Variants in ALCAM observed in about 807,000 individuals in gnomAD.
ALCAM encodes activated leukocyte cell adhesion molecule, also known as CD166 antigen.
ALCAM carries 30 observed loss-of-function variants against 70.9 expected under a neutral mutation model. The ratio of observed to expected loss-of-function variants is 0.42; its 90% CI spans 0.32 to 0.57. The LOEUF (loss-of-function observed/expected upper bound fraction) is 0.57. Among genes scored for constraint, ALCAM ranks in the 20% least tolerant of loss-of-function variants. The pLI is 0.11. For synonymous variants in ALCAM, 249 were observed against 242.5 expected (o/e 1.03, Z -0.25); for missense variants, 591 against 695.1 (o/e 0.85, Z 1.68).
At chr3:105,456,456 C>A (rs1304227652) in intron 1 of ALCAM, among the ~76,000 whole-genome samples, 1 of 152,140 alleles carries the variant, frequency 6.6e-6, no homozygotes, top group Non-Finnish European at 1.5e-5. Flanking sequence ...ATATTAGGAA[C>A]AAAGCTTCCT....
rs989491778 is a variant in ALCAM, at chr3:105,467,724, C to A, written c.74-52343C>A. ...TGTTGGTTCTTACTGACTTTAATTTCTGATGATTTTCAAACCCTGAAACTT... is the reference window on the plus strand; with the variant it reads ...TGTTGGTTCTTACTGACTTTAATTTATGATGATTTTCAAACCCTGAAACTT... On this transcript the variant is annotated intron_variant, in intron 1 of 15. Transcript: ENST00000306107. 7.5e-4 allele frequency among the ~76,000 whole-genome samples: 114 copies of A among 151,076 alleles called. 1 individual carries two copies. The highest frequency in any genetic ancestry group is 1.5e-3 in the Non-Finnish European group (101 of 67,444).
intron 3 of ALCAM, 80 bp downstream of exon 3, chr3:105,524,588 A>G: frequency 1.1e-5 from 17 of 1,581,140 alleles, no homozygotes; most frequent in Non-Finnish European, 1.5e-5. Flanking sequence ...AGAAGACTGA[A>G]CTCTCTGTAG....
Position 105,560,164 on chromosome 3 carries a change from G to A in ALCAM, c.1664+7579G>A, listed in dbSNP as rs549432887. The stretch of plus-strand genomic sequence containing the variant: ...ATCCTGCTTACAACTCCCACCAGTC[G>A]CATATGAGAGTTTTAGTTCCTTCCC... On this transcript the variant is annotated intron_variant, in intron 14 of 15. Coordinates refer to ENST00000306107, the MANE Select transcript of ALCAM (RefSeq NM_001627.4). Among the ~76,000 whole-genome samples, 10 of 152,176 alleles carry A rather than the reference G, an allele frequency of 6.6e-5. No individual in the cohort carries two copies. In the South Asian group the frequency reaches 1.5e-3, roughly 22 times the overall value.
rs1241799182 is a variant in ALCAM at position 105,520,102 on chromosome 3, G to A, written c.109G>A (p.Asp37Asn). The change falls in exon 2 of 16, where the codon GAT (aspartate) becomes AAT (asparagine). Residue 37 changes from aspartate to asparagine, a missense_variant. Physicochemically the swap from Asp to Asn is conservative, Grantham distance 23. Transcript: ENST00000306107. Reference protein sequence around the residue: ...GWYTVNSAYGDTIIIPCRLDV... With the variant: ...GWYTVNSAYGNTIIIPCRLDV... ...GTATACTGTAAATTCAGCATATGGA[G>A]ATACCATTATCATACCTTGCCGACT... 1.2e-6 allele frequency: 2 copies of A among 1,612,374 alleles called. No homozygotes were observed. The highest frequency in any genetic ancestry group is 1.7e-6 in the Non-Finnish European group (2 of 1,179,170).
chr3:105,549,077 G>GA (rs1253418006), intron 11 of ALCAM, among the ~76,000 whole-genome samples: 2 of 151,422 alleles, frequency 1.3e-5, no homozygotes, highest in Non-Finnish European at 3.0e-5. Context: ...AAAGTCAGAT[G>GA]AAAAATCCTA....
Position 105,399,376 on chromosome 3 carries a change from T to C in ALCAM, c.73+31895T>C, listed in dbSNP as rs190268457. On this transcript the variant is annotated intron_variant, in intron 1 of 15. Coordinates refer to ENST00000306107, the MANE Select transcript of ALCAM (RefSeq NM_001627.4). ...AATACTCATCTTTCCTTTTAAACTT[T>C]GTAAGTTTGAAAGTATAAATCAAAA... 1.0e-3 allele frequency among the ~76,000 whole-genome samples: 154 copies of C among 152,264 alleles called. 1 individual carries two copies. The Middle Eastern group carries it at 0.031, about 30-fold the overall frequency.
At chr3:105,413,927 T>G (rs1223136035) in intron 1 of ALCAM, among the ~76,000 whole-genome samples, 5 of 152,142 alleles carry the variant, frequency 3.3e-5, no homozygotes, top group African/African-American at 1.2e-4. Flanking sequence ...CAAACATTAT[T>G]TAGTTCCATT....
At chr3:105,519,576 G>A (rs780894576) in intron 1 of ALCAM, among the ~76,000 whole-genome samples, 55 of 152,022 alleles carry the variant, frequency 3.6e-4, no homozygotes, top group Non-Finnish European at 6.6e-4. Flanking sequence ...TTAATTCTCA[G>A]TTTTTAATAG....
chr3:105,441,433 T>G (rs1219867795), intron 1 of ALCAM, among the ~76,000 whole-genome samples: 1 of 152,196 alleles, frequency 6.6e-6, no homozygotes, highest in Non-Finnish European at 1.5e-5. Flanking sequence ...CATTGCCACC[T>G]TATTCATTAT....
At chr3:105,552,924 A>T (rs968484542) in intron 14 of ALCAM, 1 of 1,076,764 alleles carries the variant, frequency 9.3e-7, no homozygotes, top group African/African-American at 1.7e-5. Flanking sequence ...GTTGGAGAAG[A>T]TTCATTAAAA....
chr3:105,367,111 T>A lies in ALCAM; in HGVS notation c.-298T>A. Reference sequence around the variant, plus strand: ...CAGCGAAAAGAACCGCTTACACCTTTCCGAATTACTCAAGTGTCTCCTGGA... The same window carrying A: ...CAGCGAAAAGAACCGCTTACACCTTACCGAATTACTCAAGTGTCTCCTGGA... On this transcript the variant is annotated 5_prime_UTR_variant, in exon 1 of 16. Coordinates refer to ENST00000306107, the MANE Select transcript of ALCAM (RefSeq NM_001627.4). 2 of 397,164 alleles carry A rather than the reference T, an allele frequency of 5.0e-6. No individual in the cohort carries two copies. The highest frequency in any genetic ancestry group is 5.7e-5 in the South Asian group (2 of 34,990). 24.6% of individuals were successfully genotyped at this position (397,164 alleles called of 1,614,324 possible).
chr3:105,494,494 G>A (rs1051883581), intron 1 of ALCAM, among the ~76,000 whole-genome samples: 1 of 149,584 alleles, frequency 6.7e-6, no homozygotes, highest in Non-Finnish European at 1.5e-5. Context: ...TTCGGCCTAA[G>A]CAGGAACTCA....
chr3:105,457,588 C>T (rs1937551436), intron 1 of ALCAM, among the ~76,000 whole-genome samples: 1 of 151,610 alleles, frequency 6.6e-6, no homozygotes, highest in South Asian at 2.1e-4. Context: ...GTTAAGAAAA[C>T]GAAGAAATCA....
intron 1 of ALCAM, among the ~76,000 whole-genome samples, chr3:105,471,295 G>T (rs1266492742): frequency 6.7e-6 from 1 of 149,016 alleles, no homozygotes; most frequent in African/African-American, 2.5e-5. Context: ...ACTGTTAAAA[G>T]AAAAAGAAAA....
intron 1 of ALCAM, among the ~76,000 whole-genome samples, chr3:105,477,379 A>AT (rs1157812011): frequency 6.6e-6 from 1 of 152,002 alleles, no homozygotes; most frequent in Non-Finnish European, 1.5e-5. Flanking sequence ...TCTGTAAAAT[A>AT]TTTTTTGTTG....
chr3:105,434,480 C>A (rs940163077), intron 1 of ALCAM, among the ~76,000 whole-genome samples: 1 of 152,000 alleles, frequency 6.6e-6, no homozygotes, highest in Non-Finnish European at 1.5e-5. Context: ...TTTAAAATGG[C>A]TTGTCCTTAC....
chr3:105,387,118 A>G (rs1186990517), intron 1 of ALCAM, among the ~76,000 whole-genome samples: 1 of 151,568 alleles, frequency 6.6e-6, no homozygotes, highest in African/African-American at 2.4e-5. Flanking sequence ...ACTGAGGACT[A>G]ATTATATGTT....
intron 1 of ALCAM, among the ~76,000 whole-genome samples, chr3:105,370,004 T>G (rs1310934926): frequency 1.3e-5 from 2 of 152,122 alleles, no homozygotes; most frequent in African/African-American, 4.8e-5. Flanking sequence ...TTTTCTGGAT[T>G]ATTTACAAGG....
At chr3:105,388,917 A>C (rs1180534860) in intron 1 of ALCAM, among the ~76,000 whole-genome samples, 1 of 151,632 alleles carries the variant, frequency 6.6e-6, no homozygotes, top group Non-Finnish European at 1.5e-5. Flanking sequence ...AGAAAAATGG[A>C]AGAAAGAATA....
Sources: allele counts gnomAD v4.1 joint callset (sites outside exome capture counted in the v4.1 genomes callset), GRCh38; gene constraint gnomAD v4.1.1; transcripts MANE v1.5; gene names NCBI Gene and HGNC (gene_info 2026-07-23, HGNC 2026-07-21).